WDR19: variants seen among roughly 807,000 people sequenced by gnomAD.
WDR19 encodes the protein WD repeat-containing protein 19.
A neutral mutation model predicts 180.0 loss-of-function variants in WDR19; 121 were observed. The observed-to-expected ratio is 0.67, with a 90% CI of 0.58 to 0.78. The LOEUF (loss-of-function observed/expected upper bound fraction) is 0.78. Ranked by LOEUF, WDR19 falls within the 30% of genes least tolerant of loss-of-function variation. WDR19 has a pLI of 0.00. For synonymous variants in WDR19, 497 were observed against 540.7 expected (o/e 0.92, Z 1.12); for missense variants, 1,450 against 1,640.7 (o/e 0.88, Z 2.01).
At chr4:39,270,278 G>A (rs1735223374) in intron 31 of WDR19, among the ~76,000 whole-genome samples, 178 bp downstream of exon 31, 1 of 152,234 alleles carries the variant, frequency 6.6e-6, no homozygotes, top group African/African-American at 2.4e-5. Context: ...ATGAGGCACG[G>A]GGCAGGAGGC....
At chr4:39,215,085 T>A (rs543502513) in intron 10 of WDR19, among the ~76,000 whole-genome samples, 80 of 152,322 alleles carry the variant, frequency 5.3e-4, no homozygotes, top group African/African-American at 1.9e-3. Flanking sequence ...AAATAAATTT[T>A]AATACTCTTC....
rs1221025831 is a variant in WDR19, at chr4:39,244,402, T to C, written c.2562+14T>C. 2 of 1,613,848 alleles carry C rather than the reference T, an allele frequency of 1.2e-6. No individual in the cohort carries two copies. The highest frequency in any genetic ancestry group is 2.7e-5 in the African/African-American group (2 of 74,932). ...GAGAATATGAAGGTCCTCTTTTCTC[T>C]GCATCAATATACATGTGGTCTTTTA... On this transcript the variant is annotated intron_variant, in intron 22 of 36. Coordinates refer to ENST00000399820, the MANE Select transcript of WDR19 (RefSeq NM_025132.4).
At chr4:39,261,013 C>T (rs907294650) in intron 28 of WDR19, among the ~76,000 whole-genome samples, 3 of 151,690 alleles carry the variant, frequency 2.0e-5, no homozygotes, top group Non-Finnish European at 4.4e-5. Context: ...TTTGTTGTTT[C>T]GTTGTTGTTG....
intron 20 of WDR19, among the ~76,000 whole-genome samples, chr4:39,238,663 C>T (rs1288953898): frequency 6.6e-6 from 1 of 152,186 alleles, no homozygotes; most frequent in African/African-American, 2.4e-5. Context: ...AGAAATTTCT[C>T]AACTGCAGAA....
chr4:39,184,701 G>T (rs533132963), intron 1 of WDR19, among the ~76,000 whole-genome samples: 6 of 152,242 alleles, frequency 3.9e-5, no homozygotes, highest in African/African-American at 9.6e-5. Flanking sequence ...TTTGAGCATT[G>T]TAAGAGTTTT....
At chr4:39,234,450 G>C (rs1731175813) in intron 19 of WDR19, among the ~76,000 whole-genome samples, 1 of 151,998 alleles carries the variant, frequency 6.6e-6, no homozygotes, top group Non-Finnish European at 1.5e-5. Flanking sequence ...AATTTAATTT[G>C]ATTACTCCTT....
intron 20 of WDR19, among the ~76,000 whole-genome samples, 168 bp from the exon 21 acceptor site, chr4:39,240,109 C>T (rs967820801): frequency 1.5e-5 from 2 of 135,760 alleles, no homozygotes; most frequent in African/African-American, 5.6e-5. Context: ...CCAGTGAGGT[C>T]GTGGCTACAG....
intron 19 of WDR19, 84 bp downstream of exon 19, chr4:39,232,356 C>T (rs774915010): frequency 1.6e-5 from 18 of 1,146,264 alleles, no homozygotes; most frequent in African/African-American, 9.2e-5. Context: ...CGGGTGCAGC[C>T]GCTCACGCCT....
chr4:39,203,572 A>G, intron 6 of WDR19, 70 bp from the exon 7 acceptor site: 1 of 1,294,088 alleles, frequency 7.7e-7, no homozygotes, highest in Non-Finnish European at 1.1e-6. Context: ...CAAGTTATCC[A>G]TTCTATTAAT....
intron 14 of WDR19, chr4:39,219,192 T>C (rs1284078875): frequency 6.6e-6 from 1 of 152,206 alleles, no homozygotes; most frequent in Non-Finnish European, 1.5e-5. Flanking sequence ...TTTATTATCA[T>C]CATCAAGTAT....
chr4:39,214,762 T>A, intron 10 of WDR19, 91 bp downstream of exon 10: 1 of 807,830 alleles, frequency 1.2e-6, no homozygotes, highest in Non-Finnish European at 2.0e-6. Flanking sequence ...GCATTCGTTG[T>A]AGGAGGAATA....
intron 23 of WDR19, among the ~76,000 whole-genome samples, chr4:39,244,848 A>C (rs1732341956): frequency 6.6e-6 from 1 of 151,986 alleles, no homozygotes; most frequent in African/African-American, 2.4e-5. Flanking sequence ...TCCTACCTTT[A>C]GGGGAGGGAG....
chr4:39,249,389 G>A (rs2109424081), intron 24 of WDR19, among the ~76,000 whole-genome samples: 1 of 152,192 alleles, frequency 6.6e-6, no homozygotes, highest in East Asian at 1.9e-4. Flanking sequence ...ACAAGAGAAA[G>A]CAGGAAAGAT....
At chr4:39,218,385 G>C (rs991776189) in intron 14 of WDR19, 71 of 417,734 alleles carry the variant, frequency 1.7e-4, no homozygotes, top group Non-Finnish European at 2.5e-4. Context: ...CTGTGTGGTA[G>C]AGCCTATTGC....
intron 29 of WDR19, among the ~76,000 whole-genome samples, chr4:39,267,696 C>G (rs1259622296): frequency 1.3e-5 from 2 of 152,154 alleles, no homozygotes; most frequent in African/African-American, 2.4e-5. Context: ...CTGACTGGCC[C>G]CCTCCTGTTG....
chr4:39,217,317 G>A (rs1469878838), intron 13 of WDR19, 77 bp downstream of exon 13: 5 of 1,224,714 alleles, frequency 4.1e-6, no homozygotes, highest in Non-Finnish European at 5.8e-6. Flanking sequence ...AAGAATATTG[G>A]TCAGGAAGCA....
chr4:39,187,988 A>G (rs1725737738), intron 3 of WDR19, among the ~76,000 whole-genome samples: 1 of 152,232 alleles, frequency 6.6e-6, no homozygotes, highest in African/African-American at 2.4e-5. Context: ...ATATTTCAAC[A>G]TTTTGAAAAA....
At chr4:39,199,048 T>C (rs1218315693) in intron 5 of WDR19, among the ~76,000 whole-genome samples, 1 of 150,600 alleles carries the variant, frequency 6.6e-6, no homozygotes, top group East Asian at 1.9e-4. Context: ...GTGCCTATAG[T>C]CCCAGCTACT....
intron 21 of WDR19, among the ~76,000 whole-genome samples, 185 bp from the exon 22 acceptor site, chr4:39,244,063 G>A (rs934740471): frequency 5.3e-5 from 8 of 150,342 alleles, no homozygotes; most frequent in African/African-American, 2.0e-4. Context: ...ATATAATTTT[G>A]TAATAGCTGG....
Sources: gnomAD v4.1 joint callset for allele counts (sites outside exome capture counted in the v4.1 genomes callset) on GRCh38, gnomAD v4.1.1 for gene constraint, MANE v1.5 for transcripts, NCBI Gene and HGNC (gene_info 2026-07-23, HGNC 2026-07-21) for gene names.